The following ARHGAP26 variants were observed in gnomAD, a reference collection of about 807,000 sequenced individuals.
The protein encoded by ARHGAP26 is rho GTPase-activating protein 26.
In ARHGAP26, 38 loss-of-function variants were observed where a neutral mutation model predicts 104.8. The ratio of observed to expected loss-of-function variants is 0.36; its 90% confidence interval spans 0.28 to 0.48. ARHGAP26 has a LOEUF of 0.48. Ranked by LOEUF, ARHGAP26 falls within the 20% of genes least tolerant of loss-of-function variation. ARHGAP26 has a pLI of 0.99. For synonymous variants in ARHGAP26, 341 were observed against 340.0 expected, an observed-to-expected ratio of 1.00 and a Z score of -0.03; for missense variants, 704 against 947.9, an observed-to-expected ratio of 0.74 and a Z score of 3.38.
chr5:143,063,278 G>A (rs1223473100), intron 17 of ARHGAP26, among the ~76,000 whole-genome samples: 1 of 152,122 alleles, frequency 6.6e-6, no homozygotes, highest in Non-Finnish European at 1.5e-5. Flanking sequence ...TACTCCTGTA[G>A]TCCAAGCTGC....
chr5:142,903,489 T>C, intron 7 of ARHGAP26, 51 bp from the exon 8 acceptor site: 1 of 1,587,902 alleles, frequency 6.3e-7, no homozygotes. Flanking sequence ...TCTGGATTGT[T>C]AAAACAGATA....
intron 1 of ARHGAP26, among the ~76,000 whole-genome samples, chr5:142,852,481 G>A (rs1751685665): frequency 1.3e-5 from 2 of 152,240 alleles, no homozygotes; most frequent in African/African-American, 4.8e-5. Context: ...AATTCAGGGA[G>A]ACTGTCTTGG....
At chr5:143,212,667 GC>G (rs1233160084) in intron 21 of ARHGAP26, among the ~76,000 whole-genome samples, 2 of 152,062 alleles carry the variant, frequency 1.3e-5, no homozygotes, top group Non-Finnish European at 2.9e-5. Context: ...GTAAACTATG[GC>G]CCAGCAATAA....
At position 143,204,788 on chromosome 5, in the gene ARHGAP26, C is replaced by T. The variant is rs573137951; in HGVS notation, c.1989-2410C>T. Among the ~76,000 whole-genome samples, 21 of 152,110 alleles carry T rather than the reference C, an allele frequency of 1.4e-4. No homozygotes were observed. The South Asian group carries it at 4.2e-3, about 30-fold the overall frequency. Reference sequence around the variant, plus strand: ...ATGGAATAGGAAGCTGGAGGTGTTTCCTACTTATTAAAGTCATTTAAAAAA... The same window carrying T: ...ATGGAATAGGAAGCTGGAGGTGTTTTCTACTTATTAAAGTCATTTAAAAAA... On this transcript the variant is annotated intron_variant, in intron 20 of 22. Coordinates refer to ENST00000645722, the MANE Select transcript of ARHGAP26 (RefSeq NM_001135608.3).
chr5:143,093,591 T>C (rs1223254635), intron 17 of ARHGAP26, among the ~76,000 whole-genome samples: 2 of 150,974 alleles, frequency 1.3e-5, no homozygotes, highest in African/African-American at 2.4e-5. Flanking sequence ...CCTCACTCTT[T>C]CTCTCTGTCT....
intron 10 of ARHGAP26, among the ~76,000 whole-genome samples, chr5:142,925,731 C>T (rs531190182): frequency 2.6e-4 from 40 of 152,336 alleles, no homozygotes; most frequent in African/African-American, 9.1e-4. Flanking sequence ...GTTTCAGACA[C>T]AGGCTTTGAG....
intron 11 of ARHGAP26, among the ~76,000 whole-genome samples, chr5:142,972,180 TAA>T (rs55877614): frequency 0.044 from 6,320 of 142,430 alleles, 142 homozygotes; most frequent in South Asian, 0.066. Flanking sequence ...AGATTCCATC[TAA>T]AAAAAAAAAA....
At chr5:142,772,521 T>A (rs935293369) in intron 1 of ARHGAP26, among the ~76,000 whole-genome samples, 3 of 152,206 alleles carry the variant, frequency 2.0e-5, no homozygotes, top group Admixed American at 6.5e-5. Context: ...CACTGGGCAC[T>A]AAGGGTGTAG....
intron 1 of ARHGAP26, among the ~76,000 whole-genome samples, chr5:142,849,474 T>C (rs888955290): frequency 2.6e-5 from 4 of 152,196 alleles, no homozygotes; most frequent in African/African-American, 9.7e-5. Flanking sequence ...TGTGTTGAAA[T>C]TCTCTCCTCC....
intron 11 of ARHGAP26, among the ~76,000 whole-genome samples, chr5:142,941,063 C>T (rs569899008): frequency 2.8e-5 from 3 of 108,942 alleles, no homozygotes; most frequent in South Asian, 3.4e-4. Flanking sequence ...CGACTGAGAG[C>T]GACTCCATCT....
intron 1 of ARHGAP26, among the ~76,000 whole-genome samples, chr5:142,799,492 C>G (rs1457877769): frequency 6.6e-6 from 1 of 152,186 alleles, no homozygotes; most frequent in Non-Finnish European, 1.5e-5. Context: ...AGTATTTGTA[C>G]CTGTGAATTC....
intron 17 of ARHGAP26, among the ~76,000 whole-genome samples, chr5:143,107,928 T>C (rs540628382): frequency 3.9e-5 from 6 of 152,364 alleles, no homozygotes; most frequent in East Asian, 1.9e-4. Flanking sequence ...GTAAGAACTT[T>C]ATTGGCTTCA....
chr5:143,106,351 A>G (rs1403027760), intron 17 of ARHGAP26, among the ~76,000 whole-genome samples: 1 of 152,080 alleles, frequency 6.6e-6, no homozygotes, highest in African/African-American at 2.4e-5. Flanking sequence ...TTGTGCGGGT[A>G]ACCACATGGT....
chr5:142,903,778 C>A, intron 8 of ARHGAP26, 109 bp downstream of exon 8: 1 of 1,157,662 alleles, frequency 8.6e-7, no homozygotes, highest in Non-Finnish European at 1.2e-6. Context: ...GCTTGGATAA[C>A]AAGAACAATT....
chr5:143,155,856 C>T (rs1800411693), intron 20 of ARHGAP26, among the ~76,000 whole-genome samples: 1 of 152,174 alleles, frequency 6.6e-6, no homozygotes, highest in Non-Finnish European at 1.5e-5. Context: ...AAAAATTGCC[C>T]TGACATACAC....
intron 12 of ARHGAP26, among the ~76,000 whole-genome samples, chr5:143,034,449 G>T (rs1477103486): frequency 6.6e-6 from 1 of 152,174 alleles, no homozygotes; most frequent in African/African-American, 2.4e-5. Context: ...GCTACAACAT[G>T]GCTAGGGCTT....
At chr5:143,219,387 A>T (rs1001734959) in intron 22 of ARHGAP26, among the ~76,000 whole-genome samples, 1 of 152,256 alleles carries the variant, frequency 6.6e-6, no homozygotes, top group Non-Finnish European at 1.5e-5. Context: ...GAAGGGAGTT[A>T]CTGAAGGTTG....
At chr5:143,160,072 T>TC (rs1801014484) in intron 20 of ARHGAP26, among the ~76,000 whole-genome samples, 1 of 151,356 alleles carries the variant, frequency 6.6e-6, no homozygotes, top group Non-Finnish European at 1.5e-5. Flanking sequence ...TTTTTTTTTT[T>TC]TTTTTGAGAC....
At chr5:143,047,384 A>G (rs778439338) in intron 14 of ARHGAP26, among the ~76,000 whole-genome samples, 5 of 152,240 alleles carry the variant, frequency 3.3e-5, no homozygotes, top group Non-Finnish European at 5.9e-5. Context: ...TGAGGATGGA[A>G]TGAAAAGATG....
Sources: allele counts gnomAD v4.1 joint callset (sites outside exome capture counted in the v4.1 genomes callset), GRCh38; gene constraint gnomAD v4.1.1; transcripts MANE v1.5; gene names NCBI Gene and HGNC (gene_info 2026-07-23, HGNC 2026-07-21).